Variants in MAMDC2 observed in about 807,000 individuals in gnomAD.
MAMDC2 encodes MAM domain-containing protein 2.
A neutral mutation model predicts 89.8 loss-of-function variants in MAMDC2; 57 were observed. That is an observed-to-expected ratio of 0.63 (90% CI 0.51 to 0.79). MAMDC2 has a LOEUF of 0.79. Ranked by LOEUF, MAMDC2 falls within the 30% of genes least tolerant of loss-of-function variation. MAMDC2 has a pLI of 0.00. For missense variants in MAMDC2, 800 were observed against 820.6 expected, an observed-to-expected ratio of 0.97 and a Z score of 0.31; for synonymous variants, 313 against 293.4, an observed-to-expected ratio of 1.07 and a Z score of -0.68.
At chr9:70,180,370 T>C (rs1174265540) in intron 11 of MAMDC2, among the ~76,000 whole-genome samples, 2 of 152,196 alleles carry the variant, frequency 1.3e-5, no homozygotes, top group Admixed American at 1.3e-4. Flanking sequence ...ATCCTTTGGG[T>C]ATATACCCAG....
At chr9:70,097,593 A>G (rs1828062952) in intron 2 of MAMDC2, among the ~76,000 whole-genome samples, 1 of 152,164 alleles carries the variant, frequency 6.6e-6, no homozygotes, top group Non-Finnish European at 1.5e-5. Context: ...GCTGGTCTAG[A>G]GAAGGTTTCA....
chr9:70,126,105 T>C, intron 5 of MAMDC2, 54 bp from the exon 6 acceptor site: 1 of 1,519,536 alleles, frequency 6.6e-7, no homozygotes, highest in Non-Finnish European at 8.9e-7. Context: ...CTGAACCTCT[T>C]CCCCTCCCCC....
chr9:70,216,620 T>C (rs1170050424), intron 11 of MAMDC2, among the ~76,000 whole-genome samples: 1 of 152,178 alleles, frequency 6.6e-6, no homozygotes, highest in Non-Finnish European at 1.5e-5. Context: ...AACACAAATG[T>C]AACACCAAAC....
At chr9:70,200,640 G>A (rs1308392477) in intron 11 of MAMDC2, among the ~76,000 whole-genome samples, 3 of 139,752 alleles carry the variant, frequency 2.1e-5, no homozygotes, top group Non-Finnish European at 4.7e-5. Context: ...AATTACCTTG[G>A]GCAGTATGGC....
chr9:70,187,922 C>T (rs2032793350), intron 11 of MAMDC2, among the ~76,000 whole-genome samples: 2 of 152,274 alleles, frequency 1.3e-5, no homozygotes, highest in South Asian at 4.1e-4. Context: ...ACTGTTGGAT[C>T]GTATGGTAAC....
intron 2 of MAMDC2, chr9:70,088,670 C>T (rs888541763): frequency 6.6e-6 from 1 of 150,432 alleles, no homozygotes; most frequent in Admixed American, 6.7e-5. Context: ...TTCACCAGTA[C>T]AACTACTCCC....
chr9:70,071,904 G>A (rs1344662912), intron 2 of MAMDC2, among the ~76,000 whole-genome samples: 1 of 152,112 alleles, frequency 6.6e-6, no homozygotes, highest in East Asian at 1.9e-4. Flanking sequence ...AAAAGTTTCT[G>A]GAAGCATATT....
chr9:70,204,718 C>T (rs969277599), intron 11 of MAMDC2, among the ~76,000 whole-genome samples: 11 of 151,738 alleles, frequency 7.2e-5, no homozygotes, highest in African/African-American at 2.4e-4. Context: ...ATTCCGTGGG[C>T]GTAGGACCCT....
chr9:70,213,185 C>A (rs979494539), intron 11 of MAMDC2, among the ~76,000 whole-genome samples: 7 of 152,188 alleles, frequency 4.6e-5, no homozygotes, highest in African/African-American at 1.7e-4. Context: ...ATTCTTAGGT[C>A]ATCTCTCTCA....
At chr9:70,052,726 G>GA (rs1350592928) in intron 2 of MAMDC2, among the ~76,000 whole-genome samples, 7 of 151,838 alleles carry the variant, frequency 4.6e-5, no homozygotes, top group Admixed American at 1.3e-4. Context: ...GAGATTGATG[G>GA]AAAAAAAATA....
intron 7 of MAMDC2, 42 bp downstream of exon 7, chr9:70,131,654 G>A: frequency 7.1e-7 from 1 of 1,399,730 alleles, no homozygotes; most frequent in South Asian, 1.2e-5. Flanking sequence ...GGATGTTCCT[G>A]TTTCAATAGA....
At chr9:70,117,503 T>G (rs1323842969) in intron 5 of MAMDC2, among the ~76,000 whole-genome samples, 1 of 152,084 alleles carries the variant, frequency 6.6e-6, no homozygotes, top group Non-Finnish European at 1.5e-5. Flanking sequence ...AAATACCTAA[T>G]GTAGATGATG....
chr9:70,082,251 A>G (rs2118134509), intron 2 of MAMDC2, among the ~76,000 whole-genome samples: 1 of 152,268 alleles, frequency 6.6e-6, no homozygotes, highest in African/African-American at 2.4e-5. Flanking sequence ...AATAAATGAT[A>G]TAGAGAACAT....
chr9:70,164,322 G>A (rs1465076347), intron 9 of MAMDC2, among the ~76,000 whole-genome samples: 1 of 152,214 alleles, frequency 6.6e-6, no homozygotes. Context: ...TTTTAGTATA[G>A]TAGAGAGTAA....
chr9:70,094,206 C>T (rs1187430070), intron 2 of MAMDC2, among the ~76,000 whole-genome samples: 1 of 152,148 alleles, frequency 6.6e-6, no homozygotes, highest in Non-Finnish European at 1.5e-5. Flanking sequence ...GGATAATTTC[C>T]CTGTTGTCAG....
intron 2 of MAMDC2, among the ~76,000 whole-genome samples, chr9:70,074,292 A>G (rs963892640): frequency 3.9e-5 from 6 of 152,256 alleles, no homozygotes; most frequent in Admixed American, 3.3e-4. Flanking sequence ...CTTAAAACTT[A>G]TGCAACTTTT....
intron 7 of MAMDC2, among the ~76,000 whole-genome samples, chr9:70,137,346 T>C (rs1249985547): frequency 6.6e-6 from 1 of 152,184 alleles, no homozygotes; most frequent in Non-Finnish European, 1.5e-5. Flanking sequence ...AATATTTTAG[T>C]GTGTATTTTA....
chr9:70,082,988 A>G (rs1827686614), intron 2 of MAMDC2: 2 of 152,206 alleles, frequency 1.3e-5, no homozygotes, highest in Admixed American at 1.3e-4. Flanking sequence ...TTAAGATACA[A>G]TGGAAATATT....
chr9:70,152,195 A>C (rs951878911), intron 9 of MAMDC2, among the ~76,000 whole-genome samples: 5 of 152,198 alleles, frequency 3.3e-5, no homozygotes, highest in Admixed American at 3.3e-4. Flanking sequence ...ACCTGTTTTA[A>C]GGACAATGGG....
Sources: gnomAD v4.1 joint callset for allele counts (sites outside exome capture counted in the v4.1 genomes callset) on GRCh38, gnomAD v4.1.1 for gene constraint, MANE v1.5 for transcripts, NCBI Gene and HGNC (gene_info 2026-07-23, HGNC 2026-07-21) for gene names.